The following THAP5 variants were observed in gnomAD, a reference collection of about 807,000 sequenced individuals.
The protein encoded by THAP5 is THAP domain containing 5.
In THAP5, 26 loss-of-function variants were observed where a neutral mutation model predicts 34.0. That is an observed-to-expected ratio of 0.77 (90% CI 0.56 to 1.06). The LOEUF (loss-of-function observed/expected upper bound fraction) is 1.06. Ranked by LOEUF, THAP5 falls within the 50% of genes least tolerant of loss-of-function variation. The pLI is 0.00. For missense variants in THAP5, 394 were observed against 452.8 expected (o/e 0.87, Z 1.18); for synonymous variants, 125 against 153.0 (o/e 0.82, Z 1.35).
At chr7:108,552,452 T>C (rs1456050129), downstream of THAP5, among the ~76,000 whole-genome samples, 1 of 152,164 alleles carries the variant, frequency 6.6e-6, no homozygotes, top group Non-Finnish European at 1.5e-5. Flanking sequence ...GCTTCCAAAA[T>C]GTTGTTGTGT....
downstream of THAP5, among the ~76,000 whole-genome samples, chr7:108,549,805 C>A (rs1162832187): frequency 1.3e-5 from 2 of 152,152 alleles, no homozygotes; most frequent in East Asian, 1.9e-4. Context: ...ATTAGTTAAT[C>A]TAATGATTTC....
chr7:108,549,128 A>AC, the THAP5 span, among the ~76,000 whole-genome samples: 20 of 124,680 alleles, frequency 1.6e-4, no homozygotes, highest in Non-Finnish European at 2.8e-4. Context: ...ACACACACAC[A>AC]AGTACTTTTT....
Position 108,564,829 on chromosome 7 carries a change from C to T in THAP5, c.550G>A (p.Val184Ile). ...GKPESTLETSVNQDTGRGGFH... is the reference protein window; with the variant it reads ...GKPESTLETSINQDTGRGGFH... ...CCACCTCTACCTGTATCTTGGTTAA[C>T]TGATGTTTCCAAGGTAGATTCTGGT... is the stretch of plus-strand genomic sequence containing the variant. The change falls in exon 3 of 3, where the codon GTT becomes ATT. Residue 184 changes from valine (V) to isoleucine (I), a missense_variant. Physicochemically the swap from Val to Ile is conservative, Grantham distance 29 (BLOSUM62 3). Transcript: ENST00000415914. 6.2e-7 allele frequency: 1 copy of T among 1,613,134 alleles called. No individual in the cohort carries two copies. The highest frequency in any genetic ancestry group is 8.5e-7 in the Non-Finnish European group (1 of 1,179,446).
chr7:108,569,653 C>A lies in THAP5; in HGVS notation c.-84G>T. 2 of 1,501,994 alleles carry A rather than the reference C, an allele frequency of 1.3e-6. No individual in the cohort carries two copies. The highest frequency in any genetic ancestry group is 1.8e-6 in the Non-Finnish European group (2 of 1,114,404). 93.0% of individuals were successfully genotyped at this position (1,501,994 alleles called of 1,614,324 possible). A position where few individuals can be genotyped will look rare whatever the true frequency, so the allele number is the denominator to read the frequency against. On this transcript the variant is annotated 5_prime_UTR_variant, in exon 1 of 3. Coordinates refer to ENST00000415914, the MANE Select transcript of THAP5 (RefSeq NM_001130475.3). Reference sequence around the variant, plus strand: ...ACTGAGGATGCGCCACAGGTCCAGGCCTCTCGAGCCCCTGCGCCTGCGCTA... The same window carrying A: ...ACTGAGGATGCGCCACAGGTCCAGGACTCTCGAGCCCCTGCGCCTGCGCTA...
downstream of THAP5, among the ~76,000 whole-genome samples, chr7:108,558,197 G>A (rs149570269): frequency 2.4e-3 from 362 of 151,808 alleles, no homozygotes; most frequent in African/African-American, 6.2e-3. Context: ...TGGAGTCAGA[G>A]TCAAATCACA....
In THAP5 at chr7:108,565,392, C is replaced by A. The variant is rs549903553; in HGVS notation, c.274-287G>T. On this transcript the variant is annotated intron_variant, in intron 2 of 2. Coordinates refer to ENST00000415914, the MANE Select transcript of THAP5 (RefSeq NM_001130475.3). ...GACCAGCCTGGCTAACATGGTGAAA[C>A]CCCCATCCCTACTAAAAATACAAAA... 1.4e-5 allele frequency: 3 copies of A among 222,096 alleles called. No individual in the cohort carries two copies. The South Asian group carries it at 3.6e-4, about 27-fold the overall frequency. 13.8% of individuals were successfully genotyped at this position (222,096 alleles called of 1,614,324 possible).
rs1391667510 is a variant in THAP5, at chr7:108,566,011, T to C, written c.92A>G (p.His31Arg). 1 of 1,507,736 alleles carries C rather than the reference T, an allele frequency of 6.6e-7. No individual in the cohort carries two copies. Among genetic ancestry groups the C allele is most frequent in the South Asian group, 1.3e-5 (1 of 76,830 alleles). The allele number at this position is 1,507,736 out of a possible 1,614,324, so 93.4% of individuals were successfully genotyped here. ...CCACTTTTCCAGTCTTTCTTTGTCATGTAGAGGAAATCTGGAATTTAAAAA... is the reference window on the plus strand; with the variant it reads ...CCACTTTTCCAGTCTTTCTTTGTCACGTAGAGGAAATCTGGAATTTAAAAA... ...RKLSFYPFPL[H>R]DKERLEKWLK... The change falls in exon 2 of 3, where the codon CAT (histidine) becomes CGT (arginine). Residue 31 changes from histidine (H) to arginine (R), a missense_variant. Physicochemically the swap from His to Arg is conservative, Grantham distance 29. Transcript: ENST00000415914.
chr7:108,553,731 G>A (rs1054944900), downstream of THAP5, among the ~76,000 whole-genome samples: 6 of 152,124 alleles, frequency 3.9e-5, no homozygotes, highest in South Asian at 1.2e-3. Context: ...ACCTTGCTGA[G>A]GATTGCCAGA....
At chr7:108,569,155 T>C in intron 1 of THAP5, 1 of 1,136,174 alleles carries the variant, frequency 8.8e-7, no homozygotes, top group South Asian at 2.9e-5. Flanking sequence ...AGGTTTCACG[T>C]ATCTTAAATG....
At chr7:108,551,452 A>G (rs1864353177), downstream of THAP5, among the ~76,000 whole-genome samples, 4 of 152,234 alleles carry the variant, frequency 2.6e-5, no homozygotes, top group Non-Finnish European at 5.9e-5. Context: ...GGATGTGGCA[A>G]GAAGGCCCTC....
downstream of THAP5, among the ~76,000 whole-genome samples, chr7:108,559,548 A>C (rs1864411732): frequency 6.6e-6 from 1 of 152,226 alleles, no homozygotes; most frequent in African/African-American, 2.4e-5. Flanking sequence ...CTTCTCCTTA[A>C]GTTTTCTACA....
downstream of THAP5, among the ~76,000 whole-genome samples, chr7:108,561,615 A>G (rs1564009120): frequency 6.6e-6 from 1 of 152,100 alleles, no homozygotes; most frequent in African/African-American, 2.4e-5. Context: ...GCATGTGATG[A>G]GATCCTCATC....
At chr7:108,556,266 A>G (rs190141619) in intron 1 of THAP5, among the ~76,000 whole-genome samples, 15 of 152,278 alleles carry the variant, frequency 9.9e-5, no homozygotes, top group Admixed American at 6.5e-4. Flanking sequence ...TCACATTTCA[A>G]GACACAATCA....
chr7:108,569,262 C>CA, intron 1 of THAP5: 1 of 1,423,220 alleles, frequency 7.0e-7, no homozygotes, highest in Non-Finnish European at 9.2e-7. Context: ...TAACTGTTAA[C>CA]ACCCAAACAG....
downstream of THAP5, among the ~76,000 whole-genome samples, chr7:108,549,595 T>A (rs1864341241): frequency 6.6e-6 from 1 of 152,210 alleles, no homozygotes; most frequent in Non-Finnish European, 1.5e-5. Context: ...ATATACATTG[T>A]GTAAGTGGTT....
chr7:108,567,639 A>G (rs1358469518), intron 1 of THAP5, among the ~76,000 whole-genome samples: 1 of 152,206 alleles, frequency 6.6e-6, no homozygotes, highest in Admixed American at 6.5e-5. Flanking sequence ...ATTCCCCAAA[A>G]GGCATAAGAT....
At chr7:108,546,929 C>G in the THAP5 span, among the ~76,000 whole-genome samples, 2 of 152,132 alleles carry the variant, frequency 1.3e-5, no homozygotes, top group East Asian at 1.9e-4. Flanking sequence ...CAGCTCTATG[C>G]CCCTCCTATA....
chr7:108,564,804 C>A lies in THAP5; in HGVS notation c.575G>T (p.Gly192Val), dbSNP rs1334336112. ...TSVNQDTGRGGFHTCFENLNS... is the reference protein window; with the variant it reads ...TSVNQDTGRGVFHTCFENLNS... ...TAGATTCTCAAAACATGTGTGAAAA[C>A]CACCTCTACCTGTATCTTGGTTAAC... Residue 192 changes from glycine (G) to valine (V), a missense_variant, in exon 3 of 3, where the codon GGT (glycine) becomes GTT (valine). Transcript: ENST00000415914. 6.2e-7 allele frequency: 1 copy of A among 1,613,378 alleles called. No homozygotes were observed.
At chr7:108,556,256 T>C (rs1352787975) in intron 1 of THAP5, among the ~76,000 whole-genome samples, 7 of 152,126 alleles carry the variant, frequency 4.6e-5, no homozygotes, top group Non-Finnish European at 8.8e-5. Flanking sequence ...CATGGTCTTC[T>C]CACATTTCAA....
Sources: gnomAD v4.1 joint callset for allele counts (sites outside exome capture counted in the v4.1 genomes callset) on GRCh38, gnomAD v4.1.1 for gene constraint, MANE v1.5 for transcripts, NCBI Gene and HGNC (gene_info 2026-07-23, HGNC 2026-07-21) for gene names.